GLIS3: variants seen among roughly 807,000 people sequenced by gnomAD.
GLIS3 encodes GLIS family zinc finger 3.
A neutral mutation model predicts 78.6 loss-of-function variants in GLIS3; 53 were observed. The ratio of observed to expected loss-of-function variants is 0.67; its 90% CI spans 0.54 to 0.85. GLIS3 has a LOEUF of 0.85. Among genes scored for constraint, GLIS3 ranks in the 40% least tolerant of loss-of-function variants. The pLI, the probability that GLIS3 is intolerant of heterozygous loss-of-function variation, is 0.00. For missense variants in GLIS3, 1,703 were observed against 1,231.1 expected (o/e 1.38, Z -5.74); for synonymous variants, 684 against 509.9 (o/e 1.34, Z -4.60).
chr9:3,928,587 G>A (rs553701363), intron 6 of GLIS3, among the ~76,000 whole-genome samples: 14 of 152,256 alleles, frequency 9.2e-5, no homozygotes, highest in Admixed American at 5.9e-4. Context: ...GCTCTGAACC[G>A]ATTTCCAAAA....
At chr9:4,472,109 A>C in the GLIS3 span, among the ~76,000 whole-genome samples, 2,268 of 152,318 alleles carry the variant, frequency 0.015, 57 homozygotes, top group African/African-American at 0.052. Flanking sequence ...AGGAAACAAC[A>C]GGTACTGGAG....
chr9:4,254,452 G>C (rs1460180322), intron 2 of GLIS3, among the ~76,000 whole-genome samples: 1 of 152,200 alleles, frequency 6.6e-6, no homozygotes, highest in African/African-American at 2.4e-5. Flanking sequence ...TCCAATGAAA[G>C]TCCTGACAGT....
At chr9:4,267,525 G>C (rs1420950940) in intron 2 of GLIS3, among the ~76,000 whole-genome samples, 1 of 152,174 alleles carries the variant, frequency 6.6e-6, no homozygotes, top group Non-Finnish European at 1.5e-5. Flanking sequence ...AATAAAACAA[G>C]TCTTTAATCT....
At chr9:4,182,509 T>A (rs923806740) in intron 2 of GLIS3, among the ~76,000 whole-genome samples, 2 of 152,028 alleles carry the variant, frequency 1.3e-5, no homozygotes, top group Admixed American at 6.5e-5. Context: ...AGGGCAGAGG[T>A]TGAATTGAAA....
the GLIS3 span, among the ~76,000 whole-genome samples, chr9:4,390,759 A>G: frequency 1.3e-5 from 2 of 152,034 alleles, no homozygotes; most frequent in African/African-American, 2.4e-5. Flanking sequence ...CATCCTATAC[A>G]ATGGGGCTAC....
intron 2 of GLIS3, among the ~76,000 whole-genome samples, chr9:4,229,828 T>G (rs10814893): frequency 0.29 from 44,585 of 152,102 alleles, 6,699 homozygotes; most frequent in Middle Eastern, 0.36. Context: ...CTCCTGAAAA[T>G]TGGTTCCTGA....
chr9:4,118,540 C>G lies in GLIS3; in HGVS notation c.938G>C (p.Gly313Ala), dbSNP rs35154632. The G allele has an allele frequency of 9.1e-3, 14,744 of 1,614,206 alleles. 74 individuals carry two copies. The highest frequency in any genetic ancestry group is 0.015 in the African/African-American group (1,142 of 75,056). ...LSLSPLSDGI[G>A]IDFNTIIRTS... ...GCGGATGATGGTATTGAAATCTATC[C>G]CGATGCCATCGGACAGCGGGGACAA... is the stretch of plus-strand genomic sequence containing the variant. Residue 313 changes from glycine (G) to alanine (A), a missense_variant, in exon 4 of 11, where the codon GGG becomes GCG. Coordinates refer to ENST00000381971, the MANE Select transcript of GLIS3 (RefSeq NM_001042413.2). This position sits in a 1 kb window ranked among gnomAD's most constrained non-coding sequence, Gnocchi z 4.7.
At chr9:4,042,615 C>T (rs1824913572) in intron 4 of GLIS3, among the ~76,000 whole-genome samples, 1 of 152,070 alleles carries the variant, frequency 6.6e-6, no homozygotes, top group South Asian at 2.1e-4. Context: ...TATGTAAGCC[C>T]AGGTGTTCAA....
intron 4 of GLIS3, among the ~76,000 whole-genome samples, chr9:4,308,058 C>G (rs1402074498): frequency 1.3e-5 from 2 of 152,198 alleles, no homozygotes; most frequent in East Asian, 3.9e-4. Flanking sequence ...TCACAGAACA[C>G]TGTCCTTACA....
intron 4 of GLIS3, among the ~76,000 whole-genome samples, chr9:4,110,982 G>A (rs1054284584): frequency 6.6e-6 from 1 of 152,058 alleles, no homozygotes; most frequent in Non-Finnish European, 1.5e-5. Flanking sequence ...TCAAAGAAAA[G>A]GTAATCAAGA....
At chr9:3,855,908 G>A (rs1437871513) in intron 9 of GLIS3, 101 bp downstream of exon 9, 4 of 1,272,844 alleles carry the variant, frequency 3.1e-6, no homozygotes, top group South Asian at 1.2e-5. Flanking sequence ...TAAGCCTGGT[G>A]TAGAACAGAG....
intron 4 of GLIS3, among the ~76,000 whole-genome samples, chr9:4,005,147 CA>C (rs1251243622): frequency 2.0e-5 from 3 of 152,152 alleles, no homozygotes; most frequent in Admixed American, 6.5e-5. Flanking sequence ...TTGAGGCACC[CA>C]AAATGTCTTG....
At position 4,118,843 on chromosome 9, in the gene GLIS3, A is replaced by G. The variant is rs1564078623; in HGVS notation, c.635T>C (p.Leu212Ser). ...ISRESLASTT[L>S]SLTESQSASS... ...GGCCGACTGACTTTCCGTCAGACTC[A>G]AGGTCGTGGACGCCAAAGACTCACG... is the stretch of plus-strand genomic sequence containing the variant. Residue 212 changes from leucine (L) to serine (S), a missense_variant, in exon 4 of 11, where the codon TTG (leucine) becomes TCG (serine). By Grantham distance (145) the Leu-to-Ser change is moderately radical (BLOSUM62 -2). Transcript: ENST00000381971. This position sits in a 1 kb window ranked among gnomAD's most constrained non-coding sequence, Gnocchi z 4.7. The G allele has an allele frequency of 6.2e-7, 1 of 1,604,480 alleles. No individual in the cohort carries two copies. The highest frequency in any genetic ancestry group is 8.5e-7 in the Non-Finnish European group (1 of 1,179,956).
At chr9:4,254,892 A>G (rs1824769586) in intron 2 of GLIS3, among the ~76,000 whole-genome samples, 1 of 152,086 alleles carries the variant, frequency 6.6e-6, no homozygotes, top group African/African-American at 2.4e-5. Flanking sequence ...AGACACCTTC[A>G]AGGGAATAAA....
At chr9:4,409,162 G>C in the GLIS3 span, among the ~76,000 whole-genome samples, 1 of 152,122 alleles carries the variant, frequency 6.6e-6, no homozygotes, top group African/African-American at 2.4e-5. Flanking sequence ...ATATAAGCAA[G>C]ACCTTAACTT....
chr9:4,196,904 C>T (rs1298438963), intron 2 of GLIS3, among the ~76,000 whole-genome samples: 2 of 152,194 alleles, frequency 1.3e-5, no homozygotes, highest in Non-Finnish European at 2.9e-5. Context: ...GCCTGTTCCC[C>T]TGAGATCATG....
intron 2 of GLIS3, among the ~76,000 whole-genome samples, chr9:4,240,271 C>T (rs999776941): frequency 6.6e-6 from 1 of 151,954 alleles, no homozygotes; most frequent in Non-Finnish European, 1.5e-5. Context: ...TCATAAGGAA[C>T]GCACAACCTA....
At chr9:4,266,595 T>TACACACAC (rs57746056) in intron 2 of GLIS3, among the ~76,000 whole-genome samples, 3 of 149,400 alleles carry the variant, frequency 2.0e-5, no homozygotes, top group Admixed American at 6.7e-5. Context: ...CATGCGCGTG[T>TACACACAC]ACACACACAC....
intron 4 of GLIS3, among the ~76,000 whole-genome samples, chr9:3,947,588 T>C (rs1816387543): frequency 6.6e-6 from 1 of 152,226 alleles, no homozygotes; most frequent in Non-Finnish European, 1.5e-5. Flanking sequence ...GAAGCAAGCA[T>C]GAATTTGCCA....
Sources: allele counts gnomAD v4.1 joint callset (sites outside exome capture counted in the v4.1 genomes callset), GRCh38; gene constraint gnomAD v4.1.1; non-coding constraint Gnocchi (gnomAD v3.1); transcripts MANE v1.5; gene names NCBI Gene and HGNC (gene_info 2026-07-23, HGNC 2026-07-21).